Variants in ATP5F1A observed in about 807,000 individuals in gnomAD.
ATP5F1A encodes the protein ATP synthase F1 subunit alpha, also known as ATP synthase F(1) complex subunit alpha, mitochondrial.
In ATP5F1A, 24 loss-of-function variants were observed where a neutral mutation model predicts 57.4. The ratio of observed to expected loss-of-function variants is 0.42; its 90% CI spans 0.30 to 0.59. The LOEUF is 0.59. ATP5F1A is among the 20% of genes least tolerant of loss of function. The probability of loss-of-function intolerance (pLI) is 0.19; values close to 1 mark genes in which losing one functional copy is unlikely to be tolerated. For synonymous variants in ATP5F1A, 251 were observed against 255.5 expected, an observed-to-expected ratio of 0.98 and a Z score of 0.17; for missense variants, 494 against 707.9, an observed-to-expected ratio of 0.70 and a Z score of 3.43.
chr18:46,084,162 C>A lies in ATP5F1A; in HGVS notation c.*120G>T. 6.3e-6 allele frequency: 5 copies of A among 798,330 alleles called. No homozygotes were observed. The highest frequency in any genetic ancestry group is 7.6e-6 in the Non-Finnish European group (4 of 526,170). 49.5% of individuals were successfully genotyped at this position (798,330 alleles called of 1,614,324 possible). On this transcript the variant is annotated 3_prime_UTR_variant, in exon 12 of 12. Coordinates refer to ENST00000398752, the MANE Select transcript of ATP5F1A (RefSeq NM_004046.6). ...AGAAAACAACTATGCATTATGGAAC[C>A]TTTATTTTTCATGTGATTTCTGTAC...
chr18:46,091,236 C>T (rs947790524), intron 3 of ATP5F1A, among the ~76,000 whole-genome samples: 3 of 152,202 alleles, frequency 2.0e-5, no homozygotes, highest in Admixed American at 2.0e-4. Flanking sequence ...ACAAAGTAGA[C>T]TTACATTAGA....
intron 5 of ATP5F1A, chr18:46,089,343 A>C (rs1910372023): frequency 1.9e-6 from 1 of 521,566 alleles, no homozygotes; most frequent in Non-Finnish European, 3.3e-6. Context: ...CCTGGGATTA[A>C]GAGTCCCATG....
In ATP5F1A at chr18:46,098,260, C is replaced by A. The variant is rs746993849; in HGVS notation, c.-29G>T. On this transcript the variant is annotated 5_prime_UTR_variant, in exon 1 of 12. Coordinates refer to ENST00000398752, the MANE Select transcript of ATP5F1A (RefSeq NM_004046.6). ...TGCAGTTACTCCGCAGGCGGTACTT[C>A]TGCAGCCGCAGCCTCCGGACTGACT... 4.4e-6 allele frequency: 7 copies of A among 1,596,682 alleles called. No homozygotes were observed. In the South Asian group the frequency reaches 4.4e-5, roughly 10 times the overall value.
In ATP5F1A at chr18:46,082,102, G is replaced by C. The variant is rs1288409788; in HGVS notation, c.*2180C>G. On this transcript the variant is annotated 3_prime_UTR_variant, in exon 12 of 12. Transcript: ENST00000398752. ...AGTAAAAAAAAAAAAAAAAAAAAGA[G>C]GCCGGGCGCGGTGGCTCAAGCCTGT... 1 of 141,402 alleles carries C rather than the reference G, an allele frequency of 7.1e-6. No homozygotes were observed. The highest frequency in any genetic ancestry group is 2.6e-5 in the African/African-American group (1 of 38,172). The allele number at this position is 141,402 out of a possible 1,614,324, so 8.8% of individuals were successfully genotyped here.
intron 1 of ATP5F1A, among the ~76,000 whole-genome samples, chr18:46,096,095 G>C (rs943990851): frequency 1.3e-5 from 2 of 151,992 alleles, no homozygotes; most frequent in African/African-American, 4.8e-5. Flanking sequence ...CGCCATGTTG[G>C]CCAGGTTGAT....
intron 2 of ATP5F1A, chr18:46,092,091 C>T (rs969652863): frequency 4.9e-5 from 11 of 222,308 alleles, no homozygotes; most frequent in African/African-American, 1.8e-4. Context: ...GCAGAAGAAT[C>T]GCTTGAACCC....
Position 46,086,502 on chromosome 18 carries a change from G to A in ATP5F1A, c.1177-8C>T. The A allele has an allele frequency of 1.9e-6, 3 of 1,611,128 alleles. No individual in the cohort carries two copies. The highest frequency in any genetic ancestry group is 2.5e-6 in the Non-Finnish European group (3 of 1,178,034). ...TTCTGTTTCCAAGAAGATCTATAAT[G>A]TAAGGAAATACGCACGCTAGCAAGC... On this transcript the variant is annotated splice_polypyrimidine_tract_variant and splice_region_variant and intron_variant, in intron 8 of 11. Coordinates refer to ENST00000398752, the MANE Select transcript of ATP5F1A (RefSeq NM_004046.6).
At chr18:46,090,467 A>G (rs1910478003) in intron 3 of ATP5F1A, among the ~76,000 whole-genome samples, 1 of 152,226 alleles carries the variant, frequency 6.6e-6, no homozygotes. Flanking sequence ...GTTAGTAGAA[A>G]GTGAAATTAA....
intron 1 of ATP5F1A, 138 bp from the exon 2 acceptor site, chr18:46,095,269 G>T: frequency 2.7e-6 from 2 of 751,176 alleles, no homozygotes; most frequent in Non-Finnish European, 4.2e-6. Flanking sequence ...TGTTTAAAAT[G>T]TCAAATGGGA....
At chr18:46,103,836 C>T (rs993968175) in intron 1 of ATP5F1A, among the ~76,000 whole-genome samples, 1 of 151,636 alleles carries the variant, frequency 6.6e-6, no homozygotes, top group African/African-American at 2.4e-5. Flanking sequence ...ATCGCTTGAA[C>T]CCAGGAGGCA....
At position 46,098,174 on chromosome 18, in the gene ATP5F1A, G is replaced by C; in HGVS notation, c.58C>G (p.Leu20Val). The C allele has an allele frequency of 3.1e-6, 5 of 1,603,974 alleles. No individual in the cohort carries two copies. The highest frequency in any genetic ancestry group is 3.4e-6 in the Non-Finnish European group (4 of 1,178,400). ...VVRALPRRAGLVSRNALGSSF... is the reference protein window; with the variant it reads ...VVRALPRRAGVVSRNALGSSF... ...TCATGCCGGCCTTCGGTGCTCACCA[G>C]TCCGGCCCGCCGAGGAAGGGCGCGG... is the stretch of plus-strand genomic sequence containing the variant. The change falls in exon 1 of 12, where the codon CTG becomes GTG. Residue 20 changes from leucine (L) to valine (V), a missense_variant and splice_region_variant. Around this residue, in one of 6 missense-constraint regions of ATP5F1A, gnomAD observed 142 missense variants for 137.5 expected, o/e 1.03. Transcript: ENST00000398752.
Position 46,084,659 on chromosome 18 carries a change from A to G in ATP5F1A, c.1430-5T>C. On this transcript the variant is annotated splice_region_variant and splice_polypyrimidine_tract_variant and intron_variant, in intron 10 of 11. Transcript: ENST00000398752. ...GTTCTTCAATAGCCATGGGAGCTGAAAAGATACAAGAAGAATGCCAAGTGA... is the reference window on the plus strand; with the variant it reads ...GTTCTTCAATAGCCATGGGAGCTGAGAAGATACAAGAAGAATGCCAAGTGA... The G allele has an allele frequency of 1.9e-6, 3 of 1,563,710 alleles. No homozygotes were observed. Among genetic ancestry groups the G allele is most frequent in the Non-Finnish European group, 2.6e-6 (3 of 1,161,228 alleles).
At chr18:46,089,327 C>T in intron 5 of ATP5F1A, 1 of 479,596 alleles carries the variant, frequency 2.1e-6, no homozygotes, top group Non-Finnish European at 3.7e-6. Flanking sequence ...GGCTCAAACC[C>T]ACGACCCTGG....
At chr18:46,086,701 A>G (rs1450209254) in intron 8 of ATP5F1A, 2 of 600,898 alleles carry the variant, frequency 3.3e-6, no homozygotes, top group South Asian at 4.2e-5. Flanking sequence ...AATAGGCAAC[A>G]TATTTATACT....
intron 1 of ATP5F1A, among the ~76,000 whole-genome samples, chr18:46,095,864 G>A (rs1910909207): frequency 6.8e-6 from 1 of 146,196 alleles, no homozygotes; most frequent in Non-Finnish European, 1.5e-5. Context: ...ATATTTACTG[G>A]GCAGTAAATA....
chr18:46,088,550 C>T (rs575964217), intron 5 of ATP5F1A: 4 of 207,472 alleles, frequency 1.9e-5, no homozygotes, highest in Middle Eastern at 1.9e-3. Context: ...CAGTATACTT[C>T]GTAAAAGTCA....
chr18:46,083,303 G>C lies in ATP5F1A; in HGVS notation c.*979C>G, dbSNP rs1404149428. 1 of 152,186 alleles carries C rather than the reference G, an allele frequency of 6.6e-6. No homozygotes were observed. The allele number at this position is 152,186 out of a possible 1,614,324, so 9.4% of individuals were successfully genotyped here. ...AAAAGTAGAAAAATTGGCTGGGCGT[G>C]GTGGTATGTGCCTGTAACCCCAGCT... On this transcript the variant is annotated 3_prime_UTR_variant, in exon 12 of 12. Coordinates refer to ENST00000398752, the MANE Select transcript of ATP5F1A (RefSeq NM_004046.6).
rs1909676232 is a variant in ATP5F1A at position 46,080,347 on chromosome 18, A to G, written c.*3935T>C. 6.6e-6 allele frequency: 1 copy of G among 152,236 alleles called. No homozygotes were observed. Among genetic ancestry groups the G allele is most frequent in the African/African-American group, 2.4e-5 (1 of 41,462 alleles). 9.4% of individuals were successfully genotyped at this position (152,236 alleles called of 1,614,324 possible). On this transcript the variant is annotated 3_prime_UTR_variant, in exon 12 of 12. Transcript: ENST00000398752. ...TCTCAAATGTTCACCACCCCCAGTG[A>G]TAAGATAAATGCACACAGACACAAT...
chr18:46,086,663 A>C, intron 8 of ATP5F1A, 169 bp from the exon 9 acceptor site: 2 of 638,526 alleles, frequency 3.1e-6, no homozygotes, highest in Non-Finnish European at 5.3e-6. Flanking sequence ...TGCAATTAGG[A>C]GATGTGCATG....
Sources: allele counts gnomAD v4.1 joint callset (sites outside exome capture counted in the v4.1 genomes callset), GRCh38; gene constraint gnomAD v4.1.1; regional missense constraint gnomAD v4.1.1; transcripts MANE v1.5; gene names NCBI Gene and HGNC (gene_info 2026-07-23, HGNC 2026-07-21).